The following DCAF8L2 variants were observed in gnomAD, a reference collection of about 807,000 sequenced individuals.
DCAF8L2 encodes the protein DDB1- and CUL4-associated factor 8-like protein 2.
For synonymous variants in DCAF8L2, 200 were observed against 190.9 expected, an observed-to-expected ratio of 1.05 and a Z score of -0.39; for missense variants, 430 against 490.7, an observed-to-expected ratio of 0.88 and a Z score of 1.17.
At chrX:27,573,254 T>A in the DCAF8L2 span, among the ~76,000 whole-genome samples, 176 of 99,724 alleles carry the variant, frequency 1.8e-3, no homozygotes, top group Non-Finnish European at 2.9e-3. Context: ...TCTCTCTCTC[T>A]CACACACACA....
chrX:27,686,121 A>G (rs920270457), intron 3 of DCAF8L2, among the ~76,000 whole-genome samples: 1 of 111,510 alleles, frequency 9.0e-6, no homozygotes, highest in Non-Finnish European at 1.9e-5. Context: ...GGGAAACTTT[A>G]GTACACTGCG....
At position 27,601,465 on chromosome X, in the gene DCAF8L2, C is replaced by T. The variant is rs141976050; in HGVS notation, c.-342+11025C>T. ...CTGTAATCCCAGCACTTTGGGAGGCCGAGGCGGGTGGATTGCTTGGGGTTA... is the reference window on the plus strand; with the variant it reads ...CTGTAATCCCAGCACTTTGGGAGGCTGAGGCGGGTGGATTGCTTGGGGTTA... On this transcript the variant is annotated intron_variant, in intron 1 of 4. Coordinates refer to ENST00000451261, the MANE Select transcript of DCAF8L2 (RefSeq NM_001353450.2). Among the ~76,000 whole-genome samples, 132 of 111,580 alleles carry T rather than the reference C, an allele frequency of 1.2e-3. 1 individual carries two copies. The highest frequency in any genetic ancestry group is 3.9e-3 in the African/African-American group (120 of 30,771).
chrX:27,501,285 A>G, the DCAF8L2 span, among the ~76,000 whole-genome samples: 16 of 89,176 alleles, frequency 1.8e-4, no homozygotes, highest in South Asian at 6.4e-4. Context: ...GTGTGTGTGT[A>G]TGTGTGTGTG....
At chrX:27,516,762 C>A in the DCAF8L2 span, among the ~76,000 whole-genome samples, 1 of 111,803 alleles carries the variant, frequency 8.9e-6, no homozygotes, top group African/African-American at 3.3e-5. Context: ...TTTGAACAAC[C>A]AGTCATCAGA....
chrX:27,498,734 G>A, the DCAF8L2 span, among the ~76,000 whole-genome samples: 1 of 111,758 alleles, frequency 8.9e-6, no homozygotes, highest in South Asian at 3.7e-4. Flanking sequence ...TCTACTCCTG[G>A]TAACCACCCT....
Position 27,746,987 on chromosome X carries a change from C to T in DCAF8L2, c.92C>T (p.Ala31Val), listed in dbSNP as rs746501868. The T allele has an allele frequency of 6.7e-6, 8 of 1,194,639 alleles. No homozygotes were observed. Among genetic ancestry groups the T allele is most frequent in the South Asian group, 1.8e-5 (1 of 54,507 alleles). ...CCAGAGGAGCAGTCTGGAGCCGTGG[C>T]GGCGACAGAGGCCTCCTCAGACATT... ...SSPEEQSGAV[A>V]ATEASSDIDI... The change falls in exon 5 of 5, where the codon GCG becomes GTG. Residue 31 changes from alanine to valine, a missense_variant. Ala to Val is a moderately conservative substitution (Grantham distance 64, BLOSUM62 0). Transcript: ENST00000451261.
the DCAF8L2 span, among the ~76,000 whole-genome samples, chrX:27,501,738 G>C: frequency 9.0e-6 from 1 of 111,181 alleles, no homozygotes; most frequent in African/African-American, 3.3e-5. Flanking sequence ...AGGAAGCCTG[G>C]GACAGAAGGT....
the DCAF8L2 span, among the ~76,000 whole-genome samples, chrX:27,494,665 C>T: frequency 2.7e-5 from 3 of 111,572 alleles, no homozygotes; most frequent in Non-Finnish European, 5.6e-5. Context: ...TATGACTTGG[C>T]ATTTGTCATT....
chrX:27,673,507 CAAAA>C (rs57955039), intron 2 of DCAF8L2, among the ~76,000 whole-genome samples: 1 of 54,402 alleles, frequency 1.8e-5, no homozygotes, highest in Admixed American at 2.6e-4. Flanking sequence ...GATTCCATCT[CAAAA>C]AAAAAAAAAA....
rs1385116142 is a variant in DCAF8L2, at chrX:27,748,793, G to A, written c.*2G>A. The A allele has an allele frequency of 3.4e-6, 4 of 1,191,832 alleles. No homozygotes were observed. The highest frequency in any genetic ancestry group is 4.5e-6 in the Non-Finnish European group (4 of 884,139). On this transcript the variant is annotated 3_prime_UTR_variant, in exon 5 of 5. Transcript: ENST00000451261. ...CGAGTGCAGTGCATGCCATCCTGAA[G>A]GCCTCATATCCAGTCCAGCTACATG...
At chrX:27,557,738 G>A in the DCAF8L2 span, among the ~76,000 whole-genome samples, 1 of 111,733 alleles carries the variant, frequency 8.9e-6, no homozygotes, top group Non-Finnish European at 1.9e-5. Flanking sequence ...ATGTAGCTGA[G>A]GGCAACCCTG....
chrX:27,474,864 C>A, the DCAF8L2 span, among the ~76,000 whole-genome samples: 3 of 111,007 alleles, frequency 2.7e-5, no homozygotes, highest in Non-Finnish European at 5.7e-5. Flanking sequence ...TGACTCCTAC[C>A]TACTTCTCTG....
the DCAF8L2 span, among the ~76,000 whole-genome samples, chrX:27,502,351 T>A: frequency 5.3e-3 from 292 of 55,114 alleles, 8 homozygotes; most frequent in African/African-American, 0.014. Context: ...TATATATATA[T>A]ATATATATAT....
chrX:27,514,319 T>A, the DCAF8L2 span, among the ~76,000 whole-genome samples: 1 of 72,616 alleles, frequency 1.4e-5, no homozygotes, highest in Admixed American at 1.3e-4. Context: ...GTGTATATGG[T>A]AATTTCCCTC....
the DCAF8L2 span, among the ~76,000 whole-genome samples, chrX:27,541,343 T>TTTTATTTATTTATTTA: frequency 1.1e-4 from 10 of 94,086 alleles, no homozygotes; most frequent in Non-Finnish European, 1.7e-4. Context: ...TTATTTTTTA[T>TTTTATTTATTTATTTA]TTTATTTATT....
chrX:27,725,319 G>A (rs757237968), intron 4 of DCAF8L2, among the ~76,000 whole-genome samples: 1 of 110,784 alleles, frequency 9.0e-6, no homozygotes, highest in African/African-American at 3.3e-5. Flanking sequence ...AATGCCCAAG[G>A]AATGCATTTC....
the DCAF8L2 span, among the ~76,000 whole-genome samples, chrX:27,578,642 T>A: frequency 9.0e-6 from 1 of 111,182 alleles, no homozygotes; most frequent in African/African-American, 3.3e-5. Flanking sequence ...GGAGAAAATT[T>A]TTGCAATCTA....
the DCAF8L2 span, among the ~76,000 whole-genome samples, chrX:27,528,910 C>A: frequency 9.0e-6 from 1 of 111,606 alleles, no homozygotes; most frequent in Non-Finnish European, 1.9e-5. Context: ...CAATTGTATC[C>A]TATTACCTAA....
chrX:27,666,858 T>C (rs1487950616), intron 2 of DCAF8L2, among the ~76,000 whole-genome samples: 1 of 112,013 alleles, frequency 8.9e-6, no homozygotes, highest in African/African-American at 3.2e-5. Context: ...ACACAAGAGA[T>C]TAAAGGGGCT....
Sources: allele counts gnomAD v4.1 joint callset (sites outside exome capture counted in the v4.1 genomes callset), GRCh38; gene constraint gnomAD v4.1.1; transcripts MANE v1.5; gene names NCBI Gene and HGNC (gene_info 2026-07-23, HGNC 2026-07-21).